Variants in HSPA5 observed in about 807,000 individuals in gnomAD.
The protein encoded by HSPA5 is endoplasmic reticulum chaperone BiP.
Under a neutral mutation model 49.5 loss-of-function variants are expected in HSPA5, and 16 were observed. That is an observed-to-expected ratio of 0.32 (90% CI 0.22 to 0.49). HSPA5 has a LOEUF of 0.49. Among genes scored for constraint, HSPA5 ranks in the 20% least tolerant of loss-of-function variants. The pLI is 0.99. For synonymous variants in HSPA5, 271 were observed against 307.2 expected (o/e 0.88, Z 1.23); for missense variants, 376 against 819.0 (o/e 0.46, Z 6.60).
In HSPA5 at chr9:125,240,439, G is replaced by T; in HGVS notation, c.355-130C>A. ...CTGCAAATTGACTAGAAATACTTCA[G>T]GGAGTATAGGTGTCTTACAAAGTTC... On this transcript the variant is annotated intron_variant, in intron 2 of 7. Transcript: ENST00000324460. The surrounding 1 kb of genome is among the most constrained non-coding windows in gnomAD (Gnocchi z 4.4). 1.2e-6 allele frequency: 1 copy of T among 805,172 alleles called. No homozygotes were observed. 49.9% of individuals were successfully genotyped at this position (805,172 alleles called of 1,614,324 possible).
chr9:125,236,601 A>T lies in HSPA5; in HGVS notation c.1956T>A (p.Asp652Glu), dbSNP rs764834058. 1.0e-5 allele frequency: 16 copies of T among 1,590,940 alleles called. No individual in the cohort carries two copies. The East Asian group carries it at 3.3e-4, about 33-fold the overall frequency. Residue 652 changes from aspartate to glutamate, a missense_variant, in exon 8 of 8, where the codon GAT becomes GAA. Asp to Glu is a conservative substitution (Grantham distance 45, BLOSUM62 2). Coordinates refer to ENST00000324460, the MANE Select transcript of HSPA5 (RefSeq NM_005347.5). ...ACTAGCAGATCAGTGTCTACAACTC[A>T]TCTTTTTCTGCTGTATCCTCTTCAC... ...PTGEEDTAEKDEL is the reference protein window; with the variant it reads ...PTGEEDTAEKEEL
In HSPA5 at chr9:125,239,172, T is replaced by A. The variant is rs777613885; in HGVS notation, c.765A>T (p.Gly255=). ...VATNGDTHLG[G]EDFDQRVMEH... ...CCATGACACGCTGGTCAAAGTCTTC[T>A]CCACCCAGATGAGTATCTCCATTAG... is the stretch of plus-strand genomic sequence containing the variant. Residue 255 remains glycine, a synonymous_variant, in exon 5 of 8, where the codon GGA becomes GGT. Transcript: ENST00000324460. This position sits in a 1 kb window ranked among gnomAD's most constrained non-coding sequence, Gnocchi z 5.5. 4 of 1,614,008 alleles carry A rather than the reference T, an allele frequency of 2.5e-6. No homozygotes were observed. In the African/African-American group the frequency reaches 5.3e-5, roughly 22 times the overall value.
chr9:125,240,984 T>C lies in HSPA5; in HGVS notation c.122+21A>G, dbSNP rs768828289. On this transcript the variant is annotated intron_variant, in intron 1 of 7. Transcript: ENST00000324460. This position sits in a 1 kb window ranked among gnomAD's most constrained non-coding sequence, Gnocchi z 4.4. ...GCCAGGCGGCCACGCCCCGTCCCCC[T>C]GCATCCGCAACCCCACTTACCAGGA... 2.5e-6 allele frequency: 4 copies of C among 1,611,736 alleles called. No individual in the cohort carries two copies. The South Asian group carries it at 4.4e-5, about 18-fold the overall frequency.
rs375214521 is a variant in HSPA5, at chr9:125,236,406, C to T, written c.*186G>A. 2 of 490,996 alleles carry T rather than the reference C, an allele frequency of 4.1e-6. No individual in the cohort carries two copies. Among genetic ancestry groups the T allele is most frequent in the Middle Eastern group, 5.2e-4 (1 of 1,914 alleles). The allele number at this position is 490,996 out of a possible 1,614,324, so 30.4% of individuals were successfully genotyped here. A position where few individuals can be genotyped will look rare whatever the true frequency, so the allele number is the denominator to read the frequency against. Reference sequence around the variant, plus strand: ...AGATGGCCAATTCTTCTTCTCCCCCCCACCCAAAGACATGTGAGCAACTGC... The same window carrying T: ...AGATGGCCAATTCTTCTTCTCCCCCTCACCCAAAGACATGTGAGCAACTGC... On this transcript the variant is annotated 3_prime_UTR_variant, in exon 8 of 8. Coordinates refer to ENST00000324460, the MANE Select transcript of HSPA5 (RefSeq NM_005347.5).
chr9:125,240,406 C>A lies in HSPA5; in HGVS notation c.355-97G>T. On this transcript the variant is annotated intron_variant, in intron 2 of 7. Coordinates refer to ENST00000324460, the MANE Select transcript of HSPA5 (RefSeq NM_005347.5). This position sits in a 1 kb window ranked among gnomAD's most constrained non-coding sequence, Gnocchi z 4.4. ...CCCCACAATTTGGTTTATTTTGGTC[C>A]CTTGGGGCTGCAAATTGACTAGAAA... 1 of 1,106,766 alleles carries A rather than the reference C, an allele frequency of 9.0e-7. No individual in the cohort carries two copies. Among genetic ancestry groups the A allele is most frequent in the Non-Finnish European group, 1.3e-6 (1 of 766,062 alleles). 68.6% of individuals were successfully genotyped at this position (1,106,766 alleles called of 1,614,324 possible). A position where few individuals can be genotyped will look rare whatever the true frequency, so the allele number is the denominator to read the frequency against.
intron 6 of HSPA5, 123 bp from the exon 7 acceptor site, chr9:125,238,431 G>T: frequency 1.0e-6 from 1 of 999,894 alleles, no homozygotes; most frequent in Non-Finnish European, 1.5e-6. Context: ...TTAAACAGTT[G>T]CTAATGATCT....
intron 7 of HSPA5, among the ~76,000 whole-genome samples, chr9:125,237,637 T>G (rs1216602284): frequency 6.8e-6 from 1 of 147,566 alleles, no homozygotes; most frequent in African/African-American, 2.5e-5. Context: ...GTCATGCCAC[T>G]GCACCCCAGC....
chr9:125,240,449 G>C lies in HSPA5; in HGVS notation c.355-140C>G, dbSNP rs993167046. The C allele has an allele frequency of 2.4e-5, 19 of 783,798 alleles. No homozygotes were observed. Among genetic ancestry groups the C allele is most frequent in the Non-Finnish European group, 3.1e-5 (15 of 489,464 alleles). 48.6% of individuals were successfully genotyped at this position (783,798 alleles called of 1,614,324 possible). ...ACTAGAAATACTTCAGGGAGTATAG[G>C]TGTCTTACAAAGTTCAGTTTTAATC... On this transcript the variant is annotated intron_variant, in intron 2 of 7. Coordinates refer to ENST00000324460, the MANE Select transcript of HSPA5 (RefSeq NM_005347.5). The surrounding 1 kb of genome is among the most constrained non-coding windows in gnomAD (Gnocchi z 4.4).
rs1832487029 is a variant in HSPA5 at position 125,236,017 on chromosome 9, A to C, written c.*575T>G. 6.6e-6 allele frequency: 1 copy of C among 151,812 alleles called. No homozygotes were observed. Among genetic ancestry groups the C allele is most frequent in the Non-Finnish European group, 1.5e-5 (1 of 68,020 alleles). 9.4% of individuals were successfully genotyped at this position (151,812 alleles called of 1,614,324 possible). ...TAATGCAAAAGCCGAGCATGGTGGT[A>C]ACAAGCCTGTGGTCTCAATTAGCTG... On this transcript the variant is annotated 3_prime_UTR_variant, in exon 8 of 8. Transcript: ENST00000324460.
chr9:125,238,101 C>A (rs1273387289), intron 7 of HSPA5, 40 bp downstream of exon 7: 40 of 1,507,430 alleles, frequency 2.7e-5, no homozygotes, highest in Middle Eastern at 2.4e-4. Context: ...GACTTCATCT[C>A]AAAAAAAAAG....
At chr9:125,238,908 T>C (rs576419119) in intron 5 of HSPA5, 33 bp downstream of exon 5, 1 of 1,603,380 alleles carries the variant, frequency 6.2e-7, no homozygotes, top group South Asian at 1.1e-5. Context: ...TCTAAGGAGA[T>C]CTCATTAGCA....
chr9:125,238,714 C>T lies in HSPA5; in HGVS notation c.1110G>A (p.Lys370=), dbSNP rs986689660. 1 of 1,614,162 alleles carries T rather than the reference C, an allele frequency of 6.2e-7. No individual in the cohort carries two copies. Residue 370 remains lysine (K), a synonymous_variant, in exon 6 of 8, where the codon AAG becomes AAA. Transcript: ENST00000324460. The stretch of plus-strand genomic sequence containing the variant: ...AGAACTCTTTAACCAGTTGCTGAAT[C>T]TTTGGAATTCGAGTCGAGCCACCAA... The part of the protein sequence containing the change: ...VLVGGSTRIP[K]IQQLVKEFFN...
chr9:125,238,861 T>TATCTA, intron 5 of HSPA5, 34 bp from the exon 6 acceptor site: 1 of 1,608,164 alleles, frequency 6.2e-7, no homozygotes, highest in Non-Finnish European at 8.5e-7. Context: ...TGATGTCTGT[T>TATCTA]ATCTAAGTAT....
Position 125,241,318 on chromosome 9 carries a change from C to A in HSPA5, c.-192G>T. On this transcript the variant is annotated 5_prime_UTR_variant, in exon 1 of 8. Coordinates refer to ENST00000324460, the MANE Select transcript of HSPA5 (RefSeq NM_005347.5). Reference sequence around the variant, plus strand: ...TCGCGAAACACCCCAATAGGTCAATCTGTCTGTGCTGTCTTGGCCGGCGTC... The same window carrying A: ...TCGCGAAACACCCCAATAGGTCAATATGTCTGTGCTGTCTTGGCCGGCGTC... 1.6e-6 allele frequency: 1 copy of A among 624,812 alleles called. No homozygotes were observed. Among genetic ancestry groups the A allele is most frequent in the East Asian group, 2.9e-5 (1 of 34,934 alleles). 38.7% of individuals were successfully genotyped at this position (624,812 alleles called of 1,614,324 possible).
rs1354112850 is a variant in HSPA5, at chr9:125,241,316, A to C, written c.-190T>G. 9.4e-6 allele frequency: 6 copies of C among 639,690 alleles called. No individual in the cohort carries two copies. Among genetic ancestry groups the C allele is most frequent in the Non-Finnish European group, 1.6e-5 (6 of 374,792 alleles). The allele number at this position is 639,690 out of a possible 1,614,324, so 39.6% of individuals were successfully genotyped here. A position where few individuals can be genotyped will look rare whatever the true frequency, so the allele number is the denominator to read the frequency against. On this transcript the variant is annotated 5_prime_UTR_variant, in exon 1 of 8. Coordinates refer to ENST00000324460, the MANE Select transcript of HSPA5 (RefSeq NM_005347.5). ...ACTCGCGAAACACCCCAATAGGTCA[A>C]TCTGTCTGTGCTGTCTTGGCCGGCG...
At chr9:125,237,360 A>G (rs1381937459) in intron 7 of HSPA5, among the ~76,000 whole-genome samples, 1 of 152,214 alleles carries the variant, frequency 6.6e-6, no homozygotes, top group Non-Finnish European at 1.5e-5. Context: ...ATTTTAAAGT[A>G]CTGTGAACTC....
In HSPA5 at chr9:125,240,939, C is replaced by CA; in HGVS notation, c.123-33dup. 1 of 1,612,772 alleles carries CA rather than the reference C, an allele frequency of 6.2e-7. No homozygotes were observed. The highest frequency in any genetic ancestry group is 8.5e-7 in the Non-Finnish European group (1 of 1,178,908). On this transcript the variant is annotated intron_variant, in intron 1 of 7. Coordinates refer to ENST00000324460, the MANE Select transcript of HSPA5 (RefSeq NM_005347.5). The surrounding 1 kb of genome is among the most constrained non-coding windows in gnomAD (Gnocchi z 4.4). ...GAAAAACCCGACAGAGGGACATCAG[C>CA]ACCGCACTTCTCACGCCAGGCCAGG...
At chr9:125,238,444 A>G (rs779043529) in intron 6 of HSPA5, 136 bp from the exon 7 acceptor site, 193 of 955,460 alleles carry the variant, frequency 2.0e-4, no homozygotes, top group Non-Finnish European at 2.8e-4. Context: ...AATGATCTTG[A>G]GACTACCCCA....
rs767613073 is a variant in HSPA5 at position 125,237,261 on chromosome 9, C to T, written c.1403-107G>A. On this transcript the variant is annotated intron_variant, in intron 7 of 7. Transcript: ENST00000324460. ...CATAAAGTGACACTTTTGGTTTTAT[C>T]GAGCTAAAAGTAATTTCATATTGGT... 11 of 812,410 alleles carry T rather than the reference C, an allele frequency of 1.4e-5. No homozygotes were observed. The Admixed American group carries it at 2.1e-4, about 15-fold the overall frequency. 50.3% of individuals were successfully genotyped at this position (812,410 alleles called of 1,614,324 possible).
Sources: allele counts gnomAD v4.1 joint callset (sites outside exome capture counted in the v4.1 genomes callset), GRCh38; gene constraint gnomAD v4.1.1; non-coding constraint Gnocchi (gnomAD v3.1); transcripts MANE v1.5; gene names NCBI Gene and HGNC (gene_info 2026-07-23, HGNC 2026-07-21).